Variants in NOC4L observed in about 807,000 individuals in gnomAD.
NOC4L encodes nucleolar complex associated 4 homolog.
NOC4L carries 40 observed loss-of-function variants against 62.8 expected under a neutral mutation model. That is an observed-to-expected ratio of 0.64 (90% CI 0.49 to 0.83). NOC4L has a LOEUF of 0.83. NOC4L is among the 40% of genes least tolerant of loss of function. The pLI, the probability that NOC4L is intolerant of heterozygous loss-of-function variation, is 0.00. For synonymous variants in NOC4L, 433 were observed against 299.8 expected, an observed-to-expected ratio of 1.44 and a Z score of -4.59; for missense variants, 927 against 701.9, an observed-to-expected ratio of 1.32 and a Z score of -3.62.
chr12:132,146,685 C>T (rs1358827623), intron 3 of NOC4L, among the ~76,000 whole-genome samples: 1 of 152,180 alleles, frequency 6.6e-6, no homozygotes, highest in Non-Finnish European at 1.5e-5. Flanking sequence ...TGAAAATAAC[C>T]AGTTTCCACC....
rs1444430962 is a variant in NOC4L, at chr12:132,148,662, AGGGGCCAGGCCGGGGAG to A, written c.789+9_789+25del. ...GGCTCAGCTTCCTCAAGCACAAGGT[AGGGGCCAGGCCGGGGAG>A]GGGGCGGGGGCGGCATCCGGGTCTC... On this transcript the variant is annotated splice_donor_5th_base_variant and intron_variant, in intron 8 of 14. Transcript: ENST00000330579. 2 of 688,620 alleles carry A rather than the reference AGGGGCCAGGCCGGGGAG, an allele frequency of 2.9e-6. No individual in the cohort carries two copies. The highest frequency in any genetic ancestry group is 5.2e-5 in the African/African-American group (2 of 38,712). 42.7% of individuals were successfully genotyped at this position (688,620 alleles called of 1,614,324 possible).
chr12:132,152,031 G>C (rs911823880), intron 13 of NOC4L, 53 bp from the exon 14 acceptor site: 1 of 1,501,284 alleles, frequency 6.7e-7, no homozygotes, highest in Admixed American at 2.2e-5. Flanking sequence ...CATGGCTGGG[G>C]GCACAGGGCG....
chr12:132,146,078 G>C (rs983682804), intron 3 of NOC4L, among the ~76,000 whole-genome samples: 2 of 152,174 alleles, frequency 1.3e-5, no homozygotes, highest in African/African-American at 4.8e-5. Flanking sequence ...TTACTGTGTT[G>C]TGCAGTGGTT....
intron 7 of NOC4L, 121 bp from the exon 8 acceptor site, chr12:132,148,488 G>A: frequency 2.8e-6 from 3 of 1,083,604 alleles, no homozygotes; most frequent in Non-Finnish European, 4.1e-6. Context: ...GGAAGGCAGG[G>A]TCAGAAAAGT....
At position 132,147,361 on chromosome 12, in the gene NOC4L, C is replaced by T. The variant is rs1347165929; in HGVS notation, c.426C>T (p.Asn142=). The change falls in exon 4 of 15, where the codon AAC becomes AAT. Residue 142 remains asparagine, a synonymous_variant. Coordinates refer to ENST00000330579, the MANE Select transcript of NOC4L (RefSeq NM_024078.3). ...TGGAGAAGTCCAAGTGGGAAGGCAA[C>T]TACCTGTTCCCCCGAGAGCTCTTCA... ...HPLEKSKWEG[N]YLFPRELFKL... 1 of 1,597,300 alleles carries T rather than the reference C, an allele frequency of 6.3e-7. No individual in the cohort carries two copies. Among genetic ancestry groups the T allele is most frequent in the Non-Finnish European group, 8.5e-7 (1 of 1,171,736 alleles).
At position 132,148,769 on chromosome 12, in the gene NOC4L, C is replaced by G. The variant is rs982809975; in HGVS notation, c.790-15C>G. 2 of 1,489,502 alleles carry G rather than the reference C, an allele frequency of 1.3e-6. No homozygotes were observed. The highest frequency in any genetic ancestry group is 2.5e-5 in the East Asian group (1 of 39,440). 92.3% of individuals were successfully genotyped at this position (1,489,502 alleles called of 1,614,324 possible). A position where few individuals can be genotyped will look rare whatever the true frequency, so the allele number is the denominator to read the frequency against. ...CCCACCCGCCCCTCACCCCCACCTG[C>G]CGGCCCCCGCCCAGCTGCCCCTCAG... On this transcript the variant is annotated splice_polypyrimidine_tract_variant and intron_variant, in intron 8 of 14. Coordinates refer to ENST00000330579, the MANE Select transcript of NOC4L (RefSeq NM_024078.3).
chr12:132,144,650 G>T, intron 1 of NOC4L, 45 bp downstream of exon 1: 2 of 1,468,780 alleles, frequency 1.4e-6, no homozygotes, highest in East Asian at 2.5e-5. Context: ...GCACGGGAGC[G>T]GGACTTGAAT....
rs548061561 is a variant in NOC4L, at chr12:132,147,973, C to T, written c.697C>T (p.Arg233Trp). The T allele has an allele frequency of 2.7e-5, 44 of 1,610,264 alleles. No individual in the cohort carries two copies. The highest frequency in any genetic ancestry group is 6.6e-5 in the South Asian group (6 of 90,686). Reference protein sequence around the residue: ...EPTVSSFYVKRAELWDTWKVA... With the variant: ...EPTVSSFYVKWAELWDTWKVA... ...CACCGTCTCCAGCTTCTATGTGAAG[C>T]GGGCGGGTGAGTGTGCTGAGAGTCA... The change falls in exon 6 of 15, where the codon CGG (arginine) becomes TGG (tryptophan). Residue 233 changes from arginine (R) to tryptophan (W), a missense_variant. Arg to Trp is a moderately radical substitution (Grantham distance 101). Transcript: ENST00000330579.
chr12:132,151,241 T>G lies in NOC4L; in HGVS notation c.963-17T>G. 6.2e-7 allele frequency: 1 copy of G among 1,602,368 alleles called. No individual in the cohort carries two copies. The highest frequency in any genetic ancestry group is 2.2e-5 in the East Asian group (1 of 44,830). On this transcript the variant is annotated splice_polypyrimidine_tract_variant and intron_variant, in intron 10 of 14. Coordinates refer to ENST00000330579, the MANE Select transcript of NOC4L (RefSeq NM_024078.3). ...CGGGCCCTGCTCCATCCGCTGCTCCTTCCCCCCGGCCCGCAGGGAGTACCC... is the reference window on the plus strand; with the variant it reads ...CGGGCCCTGCTCCATCCGCTGCTCCGTCCCCCCGGCCCGCAGGGAGTACCC...
intron 3 of NOC4L, chr12:132,146,495 C>T: frequency 5.1e-6 from 2 of 391,742 alleles, no homozygotes; most frequent in Admixed American, 2.7e-5. Flanking sequence ...AATTACAAGG[C>T]CACACAGCAG....
In NOC4L at chr12:132,152,338, C is replaced by G; in HGVS notation, c.1488C>G (p.Ile496Met). ...CCGAGCCGGTGCCACTGGAGTTTAT[C>G]CCAGCCCAGGGCCTGCTGGGACGGC... ...KGPEPVPLEF[I>M]PAQGLLGRPG... is the part of the protein sequence containing the mutation. Residue 496 changes from isoleucine (I) to methionine (M), a missense_variant, in exon 15 of 15, where the codon ATC becomes ATG. Coordinates refer to ENST00000330579, the MANE Select transcript of NOC4L (RefSeq NM_024078.3). The G allele has an allele frequency of 6.4e-7, 1 of 1,568,978 alleles. No homozygotes were observed. Among genetic ancestry groups the G allele is most frequent in the East Asian group, 2.4e-5 (1 of 42,226 alleles).
chr12:132,146,533 C>G (rs1288536093), intron 3 of NOC4L, among the ~76,000 whole-genome samples: 1 of 152,174 alleles, frequency 6.6e-6, no homozygotes, highest in Non-Finnish European at 1.5e-5. Flanking sequence ...TGAGGAACTA[C>G]AAGACTGTTT....
intron 10 of NOC4L, 39 bp from the exon 11 acceptor site, chr12:132,151,219 G>T: frequency 6.4e-7 from 1 of 1,560,880 alleles, no homozygotes; most frequent in Non-Finnish European, 8.8e-7. Flanking sequence ...CAGTTCCCGG[G>T]CCCTGCTCCA....
At chr12:132,148,942 G>T (rs575306799) in intron 9 of NOC4L, 47 bp downstream of exon 9, 1 of 436,308 alleles carries the variant, frequency 2.3e-6, no homozygotes, top group South Asian at 2.7e-5. Flanking sequence ...TCCCCTCGGT[G>T]AGTGCCGCCG....
rs1458248974 is a variant in NOC4L at position 132,148,094 on chromosome 12, T to C, written c.726T>C (p.Val242=). 6 of 1,613,458 alleles carry C rather than the reference T, an allele frequency of 3.7e-6. No homozygotes were observed. Among genetic ancestry groups the C allele is most frequent in the Non-Finnish European group, 5.1e-6 (6 of 1,179,968 alleles). Residue 242 remains valine, a synonymous_variant, in exon 7 of 15, where the codon GTT becomes GTC. Coordinates refer to ENST00000330579, the MANE Select transcript of NOC4L (RefSeq NM_024078.3). The part of the protein sequence containing the change: ...KRAELWDTWK[V]AHLKEHRRVF... ...CAGAGCTGTGGGACACCTGGAAGGT[T>C]GCTCACCTGAAGGTGAGTTGCTTCT... is the stretch of plus-strand genomic sequence containing the variant.
Position 132,148,766 on chromosome 12 carries a change from C to T in NOC4L, c.790-18C>T. ...CCGCCCACCCGCCCCTCACCCCCAC[C>T]TGCCGGCCCCCGCCCAGCTGCCCCT... On this transcript the variant is annotated intron_variant, in intron 8 of 14. Transcript: ENST00000330579. 1 of 1,477,976 alleles carries T rather than the reference C, an allele frequency of 6.8e-7. No individual in the cohort carries two copies. The highest frequency in any genetic ancestry group is 9.1e-7 in the Non-Finnish European group (1 of 1,094,424). The allele number at this position is 1,477,976 out of a possible 1,614,324, so 91.6% of individuals were successfully genotyped here. A position where few individuals can be genotyped will look rare whatever the true frequency, so the allele number is the denominator to read the frequency against.
intron 1 of NOC4L, 117 bp from the exon 2 acceptor site, chr12:132,144,737 G>C: frequency 6.8e-7 from 1 of 1,471,086 alleles, no homozygotes; most frequent in Non-Finnish European, 9.0e-7. Context: ...TGTGGGTCAC[G>C]GGTCGGGGGT....
intron 4 of NOC4L, 106 bp from the exon 5 acceptor site, chr12:132,147,527 A>T: frequency 6.7e-7 from 1 of 1,489,400 alleles, no homozygotes. Flanking sequence ...GGCCCACCCA[A>T]CCAGGAGGAG....
rs1872923700 is a variant in NOC4L, at chr12:132,151,475, C to T, written c.1074-9C>T. On this transcript the variant is annotated splice_polypyrimidine_tract_variant and intron_variant, in intron 11 of 14. Transcript: ENST00000330579. ...CCGGGCCCTGTCTCACAACCACTGC[C>T]CTGCCCAGCCACCTCCCCGCCTACC... The T allele has an allele frequency of 1.2e-6, 2 of 1,600,772 alleles. No homozygotes were observed. Among genetic ancestry groups the T allele is most frequent in the African/African-American group, 2.7e-5 (2 of 75,008 alleles).
Sources: allele counts gnomAD v4.1 joint callset (sites outside exome capture counted in the v4.1 genomes callset), GRCh38; gene constraint gnomAD v4.1.1; transcripts MANE v1.5; gene names NCBI Gene and HGNC (gene_info 2026-07-23, HGNC 2026-07-21).